The following EIF4G1 variants were observed in gnomAD, a reference collection of about 807,000 sequenced individuals.
EIF4G1 encodes the protein eukaryotic translation initiation factor 4 gamma 1.
Under a neutral mutation model 187.8 loss-of-function variants are expected in EIF4G1, and 4 were observed. That is an observed-to-expected ratio of 0.02 (90% confidence interval 0.01 to 0.05). The LOEUF is 0.05. Ranked by LOEUF, EIF4G1 falls within the 10% of genes least tolerant of loss-of-function variation. The probability of loss-of-function intolerance (pLI) is 1.00; values close to 1 mark genes in which losing one functional copy is unlikely to be tolerated. For missense variants in EIF4G1, 1,647 were observed against 2,081.1 expected (o/e 0.79, Z 4.06); for synonymous variants, 844 against 781.4 (o/e 1.08, Z -1.34).
In EIF4G1 at chr3:184,332,040, G is replaced by T; in HGVS notation, c.4572G>T (p.Ala1524=). Residue 1524 remains alanine (A), a synonymous_variant, in exon 32 of 33, where the codon GCG becomes GCT. Coordinates refer to ENST00000346169, the MANE Select transcript of EIF4G1 (RefSeq NM_198241.3). ...YLCDEQKELQ[A]LYALQALVVT... ...GTGACGAGCAGAAGGAGCTACAGGC[G>T]CTCTACGCCCTCCAGGCCCTTGTAG... 6.2e-7 allele frequency: 1 copy of T among 1,614,216 alleles called. No individual in the cohort carries two copies. Among genetic ancestry groups the T allele is most frequent in the Non-Finnish European group, 8.5e-7 (1 of 1,180,046 alleles).
Position 184,320,726 on chromosome 3 carries a change from C to G in EIF4G1, c.630+4C>G. ...CTCCACACCCACCCCTCCCCAGGTA[C>G]TGTCTGCTTTTCGAGTGATACCCTG... On this transcript the variant is annotated splice_donor_region_variant and intron_variant, in intron 8 of 32. Transcript: ENST00000346169. 1.2e-6 allele frequency: 2 copies of G among 1,614,188 alleles called. No homozygotes were observed. Among genetic ancestry groups the G allele is most frequent in the East Asian group, 2.2e-5 (1 of 44,884 alleles).
rs1560220937 is a variant in EIF4G1, at chr3:184,325,419, TC to T, written c.2961+47del. ...CACTGCCAGCCTGCTGCCTCCAGTT[TC>T]TGACACTGCCTTGTCTTGCCTTCCC... On this transcript the variant is annotated intron_variant, in intron 19 of 32. Coordinates refer to ENST00000346169, the MANE Select transcript of EIF4G1 (RefSeq NM_198241.3). The surrounding 1 kb of genome is among the most constrained non-coding windows in gnomAD (Gnocchi z 5.2). 1 of 1,614,194 alleles carries T rather than the reference TC, an allele frequency of 6.2e-7. No individual in the cohort carries two copies. Among genetic ancestry groups the T allele is most frequent in the Non-Finnish European group, 8.5e-7 (1 of 1,180,030 alleles).
intron 23 of EIF4G1, 21 bp from the exon 24 acceptor site, chr3:184,327,195 A>C: frequency 6.2e-7 from 1 of 1,612,318 alleles, no homozygotes; most frequent in Admixed American, 1.7e-5. Flanking sequence ...GTGAGTGAAA[A>C]TTTGTCTGTC....
At chr3:184,322,501 A>G in intron 11 of EIF4G1, 43 bp from the exon 12 acceptor site, 1 of 1,614,048 alleles carries the variant, frequency 6.2e-7, no homozygotes, top group Non-Finnish European at 8.5e-7. Context: ...GGTATGGAGC[A>G]GTGGTCATTC....
chr3:184,326,945 A>C lies in EIF4G1; in HGVS notation c.3390A>C (p.Val1130=). The change falls in exon 23 of 33, where the codon GTA becomes GTC. Residue 1130 remains valine, a synonymous_variant. Transcript: ENST00000346169. ...LNRFSALQQA[V]PTESTDNRRV... ...GCTTCTCAGCCCTTCAACAAGCGGT[A>C]CCCACAGAAAGCACAGATAATAGAC... 1 of 1,614,240 alleles carries C rather than the reference A, an allele frequency of 6.2e-7. No homozygotes were observed. The highest frequency in any genetic ancestry group is 8.5e-7 in the Non-Finnish European group (1 of 1,180,048).
Position 184,323,661 on chromosome 3 carries a change from G to C in EIF4G1, c.2274+68G>C, listed in dbSNP as rs1724311202. ...CAGGTCTGCCATCTGTGCCCTCTTT[G>C]CTTCTTTTTGTCCTTATCACTAGCA... On this transcript the variant is annotated intron_variant, in intron 15 of 32. Coordinates refer to ENST00000346169, the MANE Select transcript of EIF4G1 (RefSeq NM_198241.3). The surrounding 1 kb of genome is among the most constrained non-coding windows in gnomAD (Gnocchi z 6.9). The C allele has an allele frequency of 3.7e-6, 6 of 1,611,322 alleles. No homozygotes were observed. Among genetic ancestry groups the C allele is most frequent in the Non-Finnish European group, 5.1e-6 (6 of 1,179,098 alleles).
At chr3:184,322,149 C>T (rs16858641) in intron 10 of EIF4G1, 46 bp downstream of exon 10, 49 of 1,612,512 alleles carry the variant, frequency 3.0e-5, no homozygotes, top group African/African-American at 1.5e-4. Context: ...TAGGGGATAT[C>T]GTTCCTTGCC....
At chr3:184,316,524 A>G (rs1358016172) in intron 4 of EIF4G1, among the ~76,000 whole-genome samples, 3 of 151,814 alleles carry the variant, frequency 2.0e-5, no homozygotes, top group African/African-American at 4.8e-5. Flanking sequence ...CTATTGCTCT[A>G]TTGCTCTCTC....
chr3:184,325,598 G>A lies in EIF4G1; in HGVS notation c.3080G>A (p.Gly1027Asp). Residue 1027 changes from glycine (G) to aspartate (D), a missense_variant, in exon 20 of 33, where the codon GGC becomes GAC. Physicochemically the swap from Gly to Asp is moderately conservative, Grantham distance 94 (BLOSUM62 -1). Around this residue, in one of 11 missense-constraint regions of EIF4G1, gnomAD observed 142 missense variants for 296.6 expected, o/e 0.48. Coordinates refer to ENST00000346169, the MANE Select transcript of EIF4G1 (RefSeq NM_198241.3). The surrounding 1 kb of genome is among the most constrained non-coding windows in gnomAD (Gnocchi z 5.2). The stretch of plus-strand genomic sequence containing the variant: ...AAAGTGCAGCAGCTCATGGCCAAGG[G>A]CAGTGACAAGCGTCGGGGCGGTCCT... ...HIKVQQLMAK[G>D]SDKRRGGPPG... The A allele has an allele frequency of 6.2e-7, 1 of 1,614,222 alleles. No homozygotes were observed. Among genetic ancestry groups the A allele is most frequent in the Non-Finnish European group, 8.5e-7 (1 of 1,180,050 alleles).
chr3:184,334,383 A>G lies in EIF4G1; in HGVS notation c.4619-344A>G, dbSNP rs186915854. On this transcript the variant is annotated intron_variant, in intron 32 of 32. Transcript: ENST00000346169. The surrounding 1 kb of genome is among the most constrained non-coding windows in gnomAD (Gnocchi z 5.8). ...GTAGGATATATATAGGACTTTATGT[A>G]TGATATATATAGGACTTTTAGCGAT... Among the ~76,000 whole-genome samples, 173 of 152,320 alleles carry G rather than the reference A, an allele frequency of 1.1e-3. No individual in the cohort carries two copies. The highest frequency in any genetic ancestry group is 2.0e-3 in the Non-Finnish European group (138 of 68,034).
Position 184,322,447 on chromosome 3 carries a change from G to C in EIF4G1, c.1605G>C (p.Lys535Asn), listed in dbSNP as rs762074045. 6.2e-7 allele frequency: 1 copy of C among 1,614,116 alleles called. No individual in the cohort carries two copies. The highest frequency in any genetic ancestry group is 8.5e-7 in the Non-Finnish European group (1 of 1,180,008). Residue 535 changes from lysine (K) to asparagine (N), a missense_variant, in exon 11 of 33, where the codon AAG (lysine) becomes AAC (asparagine). Around this residue, in one of 11 missense-constraint regions of EIF4G1, gnomAD observed 522 missense variants for 485.2 expected, o/e 1.08. Coordinates refer to ENST00000346169, the MANE Select transcript of EIF4G1 (RefSeq NM_198241.3). ...TTGGAGACCTTCTGGATGCCTTCAA[G>C]GAGGTAAGGGAGCAGAAAATGGGAG... ...EAVGDLLDAFKEANPAVPEVE... is the reference protein window; with the variant it reads ...EAVGDLLDAFNEANPAVPEVE...
chr3:184,329,224 G>A (rs1725549802), intron 28 of EIF4G1: 3 of 565,762 alleles, frequency 5.3e-6, no homozygotes, highest in Non-Finnish European at 6.3e-6. Flanking sequence ...GCCTGTGATT[G>A]ATGCATTTAT....
intron 32 of EIF4G1, 36 bp downstream of exon 32, chr3:184,332,122 A>T: frequency 6.2e-7 from 1 of 1,614,038 alleles, no homozygotes; most frequent in Non-Finnish European, 8.5e-7. Flanking sequence ...GGTGGGGTGG[A>T]GGGACTGCCA....
chr3:184,321,604 T>A lies in EIF4G1; in HGVS notation c.1020T>A (p.Phe340Leu). Residue 340 changes from phenylalanine (F) to leucine (L), a missense_variant, in exon 10 of 33, where the codon TTT becomes TTA. Physicochemically the swap from Phe to Leu is conservative, Grantham distance 22. Around this residue, in one of 11 missense-constraint regions of EIF4G1, gnomAD observed 522 missense variants for 485.2 expected, o/e 1.08. Transcript: ENST00000346169. ...GCAAACCGGTTCCAGAATCTGAGTTTTCTTCCAGTCCTCTCCAGGCTCCCA... is the reference window on the plus strand; with the variant it reads ...GCAAACCGGTTCCAGAATCTGAGTTATCTTCCAGTCCTCTCCAGGCTCCCA... ...TLSKPVPESEFSSSPLQAPTP... is the reference protein window; with the variant it reads ...TLSKPVPESELSSSPLQAPTP... 6.2e-7 allele frequency: 1 copy of A among 1,614,058 alleles called. No individual in the cohort carries two copies. Among genetic ancestry groups the A allele is most frequent in the Non-Finnish European group, 8.5e-7 (1 of 1,179,918 alleles).
chr3:184,331,190 G>A, intron 28 of EIF4G1, 76 bp from the exon 29 acceptor site: 1 of 1,464,752 alleles, frequency 6.8e-7, no homozygotes, highest in Non-Finnish European at 9.6e-7. Context: ...AATATTTGTT[G>A]GATTAATGTG....
At position 184,334,912 on chromosome 3, in the gene EIF4G1, C is replaced by G. The variant is rs1305899497; in HGVS notation, c.*4C>G. On this transcript the variant is annotated 3_prime_UTR_variant, in exon 33 of 33. Transcript: ENST00000346169. The surrounding 1 kb of genome is among the most constrained non-coding windows in gnomAD (Gnocchi z 5.8). ...GGAGGAGTCTGACCACAACTGAGGG[C>G]TGGTGGGGCCGGGGACCTGGAGCCC... 3.7e-6 allele frequency: 6 copies of G among 1,613,806 alleles called. No homozygotes were observed. Among genetic ancestry groups the G allele is most frequent in the Non-Finnish European group, 4.2e-6 (5 of 1,179,984 alleles).
chr3:184,325,796 G>C lies in EIF4G1; in HGVS notation c.3122-55G>C. 1 of 1,612,648 alleles carries C rather than the reference G, an allele frequency of 6.2e-7. No individual in the cohort carries two copies. The highest frequency in any genetic ancestry group is 8.5e-7 in the Non-Finnish European group (1 of 1,178,654). On this transcript the variant is annotated intron_variant, in intron 20 of 32. Transcript: ENST00000346169. This position sits in a 1 kb window ranked among gnomAD's most constrained non-coding sequence, Gnocchi z 5.2. ...AGGGAGGCTGGGGGTGGCCCAAGGG[G>C]AAGGGGCTGCTAGGATTTATTCATT... is the stretch of plus-strand genomic sequence containing the variant.
rs757531274 is a variant in EIF4G1 at position 184,317,719 on chromosome 3, G to A, written c.327G>A (p.Gly109=). The A allele has an allele frequency of 6.2e-7, 1 of 1,613,850 alleles. No individual in the cohort carries two copies. The highest frequency in any genetic ancestry group is 1.1e-5 in the South Asian group (1 of 91,072). Reference sequence around the variant, plus strand: ...TCCCTCTCCCCCTTCCCCACCAGGGGCGTTCCACATACGTTGTCCCGACAC... The same window carrying A: ...TCCCTCTCCCCCTTCCCCACCAGGGACGTTCCACATACGTTGTCCCGACAC... ...SQGAYYIPGQ[G]RSTYVVPTQQ... Residue 109 remains glycine (G), a splice_region_variant and synonymous_variant, in exon 6 of 33, where the codon GGG becomes GGA. Transcript: ENST00000346169.
chr3:184,327,901 G>A lies in EIF4G1; in HGVS notation c.3852G>A (p.Glu1284=), dbSNP rs1393994898. The change falls in exon 26 of 33, where the codon GAG becomes GAA. Residue 1284 remains glutamate (E), a synonymous_variant. Transcript: ENST00000346169. ...TCATCTTTGTACGGCATGGTGTCGA[G>A]TCTACGCTGGAGCGCAGTGCCATTG... ...LLFIFVRHGV[E]STLERSAIAR... The A allele has an allele frequency of 1.2e-6, 2 of 1,613,556 alleles. No individual in the cohort carries two copies. Among genetic ancestry groups the A allele is most frequent in the Non-Finnish European group, 1.7e-6 (2 of 1,180,044 alleles).
Sources: allele counts gnomAD v4.1 joint callset (sites outside exome capture counted in the v4.1 genomes callset), GRCh38; gene constraint gnomAD v4.1.1; regional missense constraint gnomAD v4.1.1; non-coding constraint Gnocchi (gnomAD v3.1); transcripts MANE v1.5; gene names NCBI Gene and HGNC (gene_info 2026-07-23, HGNC 2026-07-21).